Variants in SLC24A2 observed in about 807,000 individuals in gnomAD.
SLC24A2 encodes sodium/potassium/calcium exchanger 2.
SLC24A2 carries 36 observed loss-of-function variants against 62.0 expected under a neutral mutation model. That is an observed-to-expected ratio of 0.58 (90% CI 0.44 to 0.77). The LOEUF (loss-of-function observed/expected upper bound fraction) is 0.77, where lower values mean the gene tolerates loss of function less well. Ranked by LOEUF, SLC24A2 falls within the 30% of genes least tolerant of loss-of-function variation. The pLI, the probability that SLC24A2 is intolerant of heterozygous loss-of-function variation, is 0.00. For synonymous variants in SLC24A2, 358 were observed against 294.0 expected, an observed-to-expected ratio of 1.22 and a Z score of -2.23; for missense variants, 846 against 817.9, an observed-to-expected ratio of 1.03 and a Z score of -0.42.
the SLC24A2 span, among the ~76,000 whole-genome samples, chr9:20,272,931 G>T: frequency 4.5e-3 from 681 of 152,322 alleles, 5 homozygotes; most frequent in Middle Eastern, 0.017. Context: ...AGATCCCTCA[G>T]TGTGTTCTTT....
At chr9:20,024,817 T>C in the SLC24A2 span, among the ~76,000 whole-genome samples, 4 of 152,124 alleles carry the variant, frequency 2.6e-5, no homozygotes, top group Non-Finnish European at 5.9e-5. Context: ...GCATGAAGCA[T>C]CTGAGCCTAA....
intron 2 of SLC24A2, among the ~76,000 whole-genome samples, chr9:19,723,647 T>G (rs1269463485): frequency 6.6e-6 from 1 of 152,130 alleles, no homozygotes; most frequent in African/African-American, 2.4e-5. Flanking sequence ...TGTCCCAGTA[T>G]AGTTGAATCA....
intron 2 of SLC24A2, among the ~76,000 whole-genome samples, chr9:19,747,250 A>G (rs1821857977): frequency 6.6e-6 from 1 of 151,890 alleles, no homozygotes; most frequent in African/African-American, 2.4e-5. Context: ...TTTCCTCACC[A>G]TCCTGAGTTT....
At chr9:20,270,042 A>G in the SLC24A2 span, among the ~76,000 whole-genome samples, 8 of 152,176 alleles carry the variant, frequency 5.3e-5, no homozygotes, top group Admixed American at 2.6e-4. Context: ...ACGTGTGAAG[A>G]GGGAAGACTG....
At chr9:19,850,253 A>T in the SLC24A2 span, among the ~76,000 whole-genome samples, 1 of 152,158 alleles carries the variant, frequency 6.6e-6, no homozygotes, top group African/African-American at 2.4e-5. Context: ...TCTCATCTTT[A>T]TAATTTATAG....
chr9:19,522,605 C>G (rs1833255293), intron 9 of SLC24A2, among the ~76,000 whole-genome samples: 1 of 152,150 alleles, frequency 6.6e-6, no homozygotes, highest in Non-Finnish European at 1.5e-5. Flanking sequence ...GTGAGCTGAA[C>G]TAGCTTACCC....
chr9:19,843,263 A>T, the SLC24A2 span, among the ~76,000 whole-genome samples: 1 of 152,222 alleles, frequency 6.6e-6, no homozygotes, highest in Non-Finnish European at 1.5e-5. Flanking sequence ...ACACTTTGGG[A>T]GGCCAAGGTG....
At chr9:20,268,809 T>A in the SLC24A2 span, among the ~76,000 whole-genome samples, 1 of 152,224 alleles carries the variant, frequency 6.6e-6, no homozygotes, top group Non-Finnish European at 1.5e-5. Context: ...TTCCCATTTG[T>A]CCCAGACTCA....
chr9:19,910,134 T>C, the SLC24A2 span, among the ~76,000 whole-genome samples: 1 of 152,116 alleles, frequency 6.6e-6, no homozygotes, highest in Admixed American at 6.6e-5. Flanking sequence ...TCCAATCTTA[T>C]TTCCTCTTCA....
At chr9:20,188,470 A>G in the SLC24A2 span, among the ~76,000 whole-genome samples, 1 of 152,220 alleles carries the variant, frequency 6.6e-6, no homozygotes, top group Non-Finnish European at 1.5e-5. Flanking sequence ...TAAGCAGAAT[A>G]ATGGCTCCCC....
the SLC24A2 span, among the ~76,000 whole-genome samples, chr9:20,115,333 G>A: frequency 1.3e-5 from 2 of 152,066 alleles, no homozygotes; most frequent in Middle Eastern, 3.2e-3. Context: ...TTTCGGGCAG[G>A]AGATTGAAGG....
At chr9:19,566,619 C>T (rs1835662221) in intron 7 of SLC24A2, among the ~76,000 whole-genome samples, 1 of 152,118 alleles carries the variant, frequency 6.6e-6, no homozygotes, top group Non-Finnish European at 1.5e-5. Flanking sequence ...TGGATATATG[C>T]CCAAAGGATT....
intron 2 of SLC24A2, among the ~76,000 whole-genome samples, chr9:19,714,127 A>C (rs112050951): frequency 3.9e-5 from 6 of 152,224 alleles, no homozygotes; most frequent in Non-Finnish European, 7.3e-5. Context: ...TTTACTGATG[A>C]AAGTCTTTCT....
the SLC24A2 span, among the ~76,000 whole-genome samples, chr9:20,168,676 C>T: frequency 6.6e-6 from 1 of 151,822 alleles, no homozygotes; most frequent in East Asian, 1.9e-4. Context: ...TACTGGGATG[C>T]CTAAACTAAA....
intron 2 of SLC24A2, among the ~76,000 whole-genome samples, chr9:19,732,162 C>T (rs1239277620): frequency 1.3e-5 from 2 of 152,120 alleles, no homozygotes; most frequent in East Asian, 1.9e-4. Context: ...TGCAAAAGGG[C>T]AGGTGCAAAT....
chr9:20,024,994 T>G, the SLC24A2 span, among the ~76,000 whole-genome samples: 2 of 152,174 alleles, frequency 1.3e-5, no homozygotes, highest in Non-Finnish European at 2.9e-5. Context: ...ACCAGGCCAG[T>G]GGTGTTCAAA....
chr9:19,821,242 T>A, the SLC24A2 span, among the ~76,000 whole-genome samples: 1 of 152,188 alleles, frequency 6.6e-6, no homozygotes, highest in East Asian at 1.9e-4. Context: ...AAAAATGGAA[T>A]TTGATTCCCA....
chr9:19,841,623 T>C, the SLC24A2 span, among the ~76,000 whole-genome samples: 1 of 152,196 alleles, frequency 6.6e-6, no homozygotes, highest in Non-Finnish European at 1.5e-5. Flanking sequence ...GCCCTTTAAA[T>C]AGTTTTTCCT....
chr9:20,286,690 T>C, the SLC24A2 span, among the ~76,000 whole-genome samples: 1 of 152,180 alleles, frequency 6.6e-6, no homozygotes, highest in Non-Finnish European at 1.5e-5. Context: ...CGGATGAGTA[T>C]GGATAAATTA....
Sources: gnomAD v4.1 joint callset for allele counts (sites outside exome capture counted in the v4.1 genomes callset) on GRCh38, gnomAD v4.1.1 for gene constraint, MANE v1.5 for transcripts, NCBI Gene and HGNC (gene_info 2026-07-23, HGNC 2026-07-21) for gene names.